Variants in FGF14 observed in about 807,000 individuals in gnomAD.
The protein encoded by FGF14 is fibroblast growth factor 14, also known as fibroblast growth factor homologous factor 4.
Under a neutral mutation model 25.5 loss-of-function variants are expected in FGF14, and 5 were observed. The observed-to-expected ratio is 0.20, with a 90% CI of 0.10 to 0.41. The LOEUF is 0.41. FGF14 is among the 10% of genes least tolerant of loss of function. The pLI is 1.00. For synonymous variants in FGF14, 138 were observed against 118.3 expected (o/e 1.17, Z -1.08); for missense variants, 222 against 320.1 (o/e 0.69, Z 2.34).
intron 1 of FGF14, among the ~76,000 whole-genome samples, chr13:101,985,506 T>C (rs1183857922): frequency 1.3e-5 from 2 of 152,108 alleles, no homozygotes; most frequent in African/African-American, 4.8e-5. Context: ...CTTGCTGTGT[T>C]TCACTGAATC....
intron 3 of FGF14, among the ~76,000 whole-genome samples, chr13:101,783,104 G>C (rs2039606738): frequency 6.6e-6 from 1 of 152,078 alleles, no homozygotes; most frequent in Non-Finnish European, 1.5e-5. Flanking sequence ...TTGTGGTTTT[G>C]ATTTGCATTT....
intron 1 of FGF14, among the ~76,000 whole-genome samples, chr13:102,338,039 G>A (rs2056838889): frequency 1.3e-5 from 2 of 151,514 alleles, no homozygotes; most frequent in African/African-American, 4.8e-5. Context: ...AGGTATGCCT[G>A]TACATTCAAG....
chr13:101,916,001 G>T (rs1216713263), intron 1 of FGF14, among the ~76,000 whole-genome samples: 5 of 152,210 alleles, frequency 3.3e-5, no homozygotes, highest in Admixed American at 6.5e-5. Context: ...AACCCGGGAG[G>T]TTTCTAGGAG....
chr13:102,317,201 G>C (rs1234844156), intron 1 of FGF14, among the ~76,000 whole-genome samples: 1 of 152,118 alleles, frequency 6.6e-6, no homozygotes, highest in Non-Finnish European at 1.5e-5. Context: ...AGCTTTGTGA[G>C]AAAATAAGAG....
chr13:101,784,788 A>G (rs1411582163), intron 3 of FGF14, among the ~76,000 whole-genome samples: 1 of 152,186 alleles, frequency 6.6e-6, no homozygotes, highest in Non-Finnish European at 1.5e-5. Flanking sequence ...GTTTAAGACA[A>G]TAGACATACA....
At chr13:102,046,481 A>T (rs1345926677) in intron 1 of FGF14, among the ~76,000 whole-genome samples, 1 of 152,170 alleles carries the variant, frequency 6.6e-6, no homozygotes, top group East Asian at 1.9e-4. Flanking sequence ...CAGGAGTATG[A>T]TGTTGCGTCA....
intron 1 of FGF14, among the ~76,000 whole-genome samples, chr13:101,911,056 A>T (rs2032881933): frequency 1.3e-5 from 2 of 152,036 alleles, no homozygotes; most frequent in Non-Finnish European, 2.9e-5. Flanking sequence ...TGGATAAATC[A>T]TATTTAGAAA....
rs1472540966 is a variant in FGF14 at position 101,721,371 on chromosome 13, T to TAAGA, written c.*1456_*1459dup. The TAAGA allele has an allele frequency of 6.6e-6, 1 of 151,894 alleles. No individual in the cohort carries two copies. Among genetic ancestry groups the TAAGA allele is most frequent in the African/African-American group, 2.4e-5 (1 of 41,232 alleles). The allele number at this position is 151,894 out of a possible 1,614,324, so 9.4% of individuals were successfully genotyped here. On this transcript the variant is annotated 3_prime_UTR_variant, in exon 5 of 5. Transcript: ENST00000376143. ...AACAGTGTTAAACTAAAAAGGAAATTAAGAATGCAAAATAAAAGAAAATAA... is the reference window on the plus strand; with the variant it reads ...AACAGTGTTAAACTAAAAAGGAAATTAAGAAAGAATGCAAAATAAAAGAAAATAA...
At chr13:101,775,672 G>A (rs1482068321) in intron 3 of FGF14, among the ~76,000 whole-genome samples, 1 of 152,094 alleles carries the variant, frequency 6.6e-6, no homozygotes, top group Non-Finnish European at 1.5e-5. Flanking sequence ...GAGGATAGGG[G>A]GCCTAGGGAA....
intron 3 of FGF14, among the ~76,000 whole-genome samples, chr13:101,855,325 C>CT (rs1566320863): frequency 6.6e-6 from 1 of 152,002 alleles, no homozygotes. Context: ...AAATATATCA[C>CT]TTTTTAAATG....
intron 3 of FGF14, among the ~76,000 whole-genome samples, chr13:101,728,089 G>C (rs1163095706): frequency 6.6e-6 from 1 of 152,128 alleles, no homozygotes; most frequent in Non-Finnish European, 1.5e-5. Context: ...ATGTCATGTA[G>C]AAATTTCCTT....
chr13:101,748,654 G>A (rs1308987274), intron 3 of FGF14, among the ~76,000 whole-genome samples: 1 of 148,870 alleles, frequency 6.7e-6, no homozygotes, highest in Admixed American at 6.8e-5. Context: ...AATAACAAGT[G>A]CTGTCAAGTA....
chr13:102,126,052 T>C (rs1014867643), intron 1 of FGF14, among the ~76,000 whole-genome samples: 3 of 152,160 alleles, frequency 2.0e-5, no homozygotes, highest in Non-Finnish European at 2.9e-5. Context: ...TTATCTAAGC[T>C]AAAGAGGCCT....
chr13:102,020,863 C>T (rs868829095), intron 1 of FGF14, among the ~76,000 whole-genome samples: 1 of 150,352 alleles, frequency 6.7e-6, no homozygotes, highest in Non-Finnish European at 1.5e-5. Context: ...GCATGATGAC[C>T]AAATTGAAAT....
chr13:101,973,873 A>G (rs974677012), intron 1 of FGF14, among the ~76,000 whole-genome samples: 1 of 152,224 alleles, frequency 6.6e-6, no homozygotes, highest in Non-Finnish European at 1.5e-5. Flanking sequence ...TAACCATCAC[A>G]ATGAAGAAAC....
chr13:102,062,685 G>A (rs572471032), intron 1 of FGF14, among the ~76,000 whole-genome samples: 1 of 152,204 alleles, frequency 6.6e-6, no homozygotes, highest in Admixed American at 6.5e-5. Context: ...GCAGTAGAAT[G>A]CCTGAAGAGA....
chr13:101,754,106 T>A (rs947090311), intron 3 of FGF14, among the ~76,000 whole-genome samples: 11 of 152,202 alleles, frequency 7.2e-5, no homozygotes, highest in Admixed American at 3.3e-4. Flanking sequence ...TGAGGATGAA[T>A]GTTGTCATCT....
intron 1 of FGF14, among the ~76,000 whole-genome samples, chr13:102,185,426 T>G (rs1413926158): frequency 6.6e-6 from 1 of 152,186 alleles, no homozygotes; most frequent in African/African-American, 2.4e-5. Context: ...AGACGGAGCC[T>G]TATTTTCTTC....
chr13:102,180,956 T>G (rs1228290002), intron 1 of FGF14, among the ~76,000 whole-genome samples: 1 of 152,162 alleles, frequency 6.6e-6, no homozygotes. Context: ...TTAAAAATCA[T>G]GTTTATATTA....
Sources: allele counts gnomAD v4.1 joint callset (sites outside exome capture counted in the v4.1 genomes callset), GRCh38; gene constraint gnomAD v4.1.1; transcripts MANE v1.5; gene names NCBI Gene and HGNC (gene_info 2026-07-23, HGNC 2026-07-21).